CROCC2: variants seen among roughly 807,000 people sequenced by gnomAD.
CROCC2 encodes the protein ciliary rootlet coiled-coil, rootletin family member 2, also known as ciliary rootlet coiled-coil protein 2.
In CROCC2, 163 loss-of-function variants were observed where a neutral mutation model predicts 177.6. The observed-to-expected ratio is 0.92, with a 90% CI of 0.81 to 1.05. CROCC2 has a LOEUF of 1.05. Among genes scored for constraint, CROCC2 ranks in the 50% least tolerant of loss-of-function variants. CROCC2 has a pLI of 0.00. For missense variants in CROCC2, 1,929 were observed against 1,797.8 expected (o/e 1.07, Z -1.32); for synonymous variants, 904 against 787.3 (o/e 1.15, Z -2.48).
Position 240,917,664 on chromosome 2 carries a change from T to C in CROCC2, c.79-1062T>C, listed in dbSNP as rs1480842335. 6.6e-6 allele frequency among the ~76,000 whole-genome samples: 1 copy of C among 152,098 alleles called. No homozygotes were observed. The highest frequency in any genetic ancestry group is 1.5e-5 in the Non-Finnish European group (1 of 67,976). ...GACTTGGGTGGACTCTGGCGTGCCA[T>C]GCTGGAGAGCCCTAGGAGTGGACAT... On this transcript the variant is annotated intron_variant, in intron 1 of 31. Transcript: ENST00000690015. The surrounding 1 kb of genome is among the most constrained non-coding windows in gnomAD (Gnocchi z 4.9).
In CROCC2 at chr2:240,933,112, A is replaced by C; in HGVS notation, c.1252-19A>C. ...CCTGCCTAGGCCAGAGAGGCCCACA[A>C]CTTACCCCACCCGAGCAGGAGCTGT... is the stretch of plus-strand genomic sequence containing the variant. On this transcript the variant is annotated intron_variant, in intron 9 of 31. Transcript: ENST00000690015. 6.5e-7 allele frequency: 1 copy of C among 1,549,960 alleles called. No individual in the cohort carries two copies. The highest frequency in any genetic ancestry group is 8.7e-7 in the Non-Finnish European group (1 of 1,146,792).
In CROCC2 at chr2:240,917,869, C is replaced by T. The variant is rs900464067; in HGVS notation, c.79-857C>T. Among the ~76,000 whole-genome samples, 2 of 152,288 alleles carry T rather than the reference C, an allele frequency of 1.3e-5. No individual in the cohort carries two copies. The highest frequency in any genetic ancestry group is 2.1e-4 in the South Asian group (1 of 4,826). ...GCGGCCTGTGTGTCCTGCCCACAGT[C>T]GGTAATCTATTTCACCTGGCAGGAG... On this transcript the variant is annotated intron_variant, in intron 1 of 31. Coordinates refer to ENST00000690015, the MANE Select transcript of CROCC2 (RefSeq NM_001351305.2). This position sits in a 1 kb window ranked among gnomAD's most constrained non-coding sequence, Gnocchi z 4.9.
In CROCC2 at chr2:240,931,059, G is replaced by A. The variant is rs572599370; in HGVS notation, c.878G>A (p.Arg293Gln). The A allele has an allele frequency of 3.8e-5, 27 of 716,656 alleles. No individual in the cohort carries two copies. The highest frequency in any genetic ancestry group is 3.4e-4 in the Admixed American group (17 of 50,002). The allele number at this position is 716,656 out of a possible 1,614,324, so 44.4% of individuals were successfully genotyped here. A position where few individuals can be genotyped will look rare whatever the true frequency, so the allele number is the denominator to read the frequency against. ...STASTLGQQL[R>Q]DKAGEMLQLQ... ...GCCAGCACCCTGGGGCAGCAGCTTC[G>A]GGACAAGGCTGGGGAGATGCTGCAG... The change falls in exon 7 of 32, where the codon CGG becomes CAG. Residue 293 changes from arginine to glutamine, a missense_variant. Arg to Gln is a conservative substitution (Grantham distance 43). This residue lies in a region of CROCC2 where 1,397 missense variants were observed against 1,239.9 expected (regional missense o/e 1.13). Transcript: ENST00000690015.
At chr2:240,939,923 A>G (rs1447379744) in intron 14 of CROCC2, among the ~76,000 whole-genome samples, 1 of 152,200 alleles carries the variant, frequency 6.6e-6, no homozygotes, top group Non-Finnish European at 1.5e-5. Flanking sequence ...TATTATTTGA[A>G]TGGATTTAAA....
At chr2:240,957,929 G>A (rs1284828182) in intron 19 of CROCC2, 1 of 971,062 alleles carries the variant, frequency 1.0e-6, no homozygotes, top group Non-Finnish European at 1.2e-6. Flanking sequence ...CCCTCCTGGG[G>A]CCCTGGGAGC....
In CROCC2 at chr2:240,934,924, C is replaced by T; in HGVS notation, c.1800C>T (p.Cys600=). The change falls in exon 13 of 32, where the codon TGC becomes TGT. Residue 600 remains cysteine (C), a synonymous_variant. Coordinates refer to ENST00000690015, the MANE Select transcript of CROCC2 (RefSeq NM_001351305.2). ...GLRSALARAE[C]SNADLELLVR... ...CCCCCTCCCTGCCCCAGGCCGAGTG[C>T]AGCAATGCGGACCTGGAGCTTCTTG... is the stretch of plus-strand genomic sequence containing the variant. The T allele has an allele frequency of 6.6e-7, 1 of 1,518,434 alleles. No homozygotes were observed. The highest frequency in any genetic ancestry group is 8.8e-7 in the Non-Finnish European group (1 of 1,132,548). The allele number at this position is 1,518,434 out of a possible 1,614,324, so 94.1% of individuals were successfully genotyped here.
At chr2:240,919,890 GCCA>G in intron 2 of CROCC2, 90 bp from the exon 3 acceptor site, 3 of 591,390 alleles carry the variant, frequency 5.1e-6, no homozygotes, top group East Asian at 3.1e-5. Flanking sequence ...GAGCCTGGTG[GCCA>G]GCCCAGGGTC....
chr2:240,927,246 T>G (rs1395134195), intron 5 of CROCC2, among the ~76,000 whole-genome samples: 5 of 152,208 alleles, frequency 3.3e-5, no homozygotes, highest in African/African-American at 7.2e-5. Flanking sequence ...GACTTGTTGT[T>G]GTGTCGTGTC....
intron 7 of CROCC2, 135 bp downstream of exon 7, chr2:240,931,263 G>T (rs2059429527): frequency 3.3e-6 from 2 of 597,438 alleles, no homozygotes; most frequent in South Asian, 4.0e-5. Context: ...GTCACTGGTG[G>T]TGCACACTCT....
chr2:240,954,941 C>T (rs1186775123), intron 18 of CROCC2: 1 of 152,222 alleles, frequency 6.6e-6, no homozygotes, highest in Non-Finnish European at 1.5e-5. Flanking sequence ...AGACCTGATA[C>T]ATCTTCTGTT....
chr2:240,956,088 G>C, intron 19 of CROCC2, 116 bp downstream of exon 19: 1 of 751,932 alleles, frequency 1.3e-6, no homozygotes, highest in East Asian at 2.7e-5. Flanking sequence ...CTCCCTTCCT[G>C]AGCCTCAGTT....
chr2:240,962,014 ACACACACACACACACGCACGCACACACG>A, intron 20 of CROCC2, among the ~76,000 whole-genome samples: 1 of 21,374 alleles, frequency 4.7e-5, no homozygotes, highest in Non-Finnish European at 9.6e-5. Context: ...CATCACCCAC[ACACACACACACACACGCACGCACACACG>A]CGCACACACA....
At chr2:240,952,754 G>A (rs1463064244) in intron 18 of CROCC2, among the ~76,000 whole-genome samples, 2 of 152,210 alleles carry the variant, frequency 1.3e-5, no homozygotes, top group South Asian at 4.1e-4. Context: ...AGGTGATAGG[G>A]AGCCAGTGGA....
In CROCC2 at chr2:240,993,216, C is replaced by T; in HGVS notation, c.*135C>T. 1 of 629,922 alleles carries T rather than the reference C, an allele frequency of 1.6e-6. No homozygotes were observed. The highest frequency in any genetic ancestry group is 3.0e-6 in the Non-Finnish European group (1 of 337,022). The allele number at this position is 629,922 out of a possible 1,614,324, so 39.0% of individuals were successfully genotyped here. On this transcript the variant is annotated 3_prime_UTR_variant, in exon 32 of 32. Transcript: ENST00000690015. The stretch of plus-strand genomic sequence containing the variant: ...TGAGACAGCTCGCTCTCGGCAGTTT[C>T]AGGACCCTCCTTGCCCTGGCTGCTC...
chr2:240,959,006 A>C, intron 19 of CROCC2: 1 of 333,042 alleles, frequency 3.0e-6, no homozygotes, highest in Non-Finnish European at 5.6e-6. Context: ...TGGTCCCTGT[A>C]GGGATGGGCC....
At position 240,934,480 on chromosome 2, in the gene CROCC2, A is replaced by T. The variant is rs763333133; in HGVS notation, c.1791+5A>T. 2.0e-4 allele frequency: 311 copies of T among 1,546,332 alleles called. No individual in the cohort carries two copies. Among genetic ancestry groups the T allele is most frequent in the Non-Finnish European group, 2.6e-4 (299 of 1,146,032 alleles). On this transcript the variant is annotated splice_donor_5th_base_variant and intron_variant, in intron 12 of 31. Coordinates refer to ENST00000690015, the MANE Select transcript of CROCC2 (RefSeq NM_001351305.2). ...CTGCGCAGCGCCCTGGCGCGGGTAC[A>T]CTCTGCTCCCCACAACCCCGCCCCC...
chr2:240,910,464 G>T (rs1574740009), intron 1 of CROCC2, among the ~76,000 whole-genome samples: 1 of 152,230 alleles, frequency 6.6e-6, no homozygotes, highest in Non-Finnish European at 1.5e-5. Flanking sequence ...ATTGGCAAAA[G>T]TTGTTCACAA....
At chr2:240,963,303 T>C in intron 20 of CROCC2, 1 of 505,272 alleles carries the variant, frequency 2.0e-6, no homozygotes, top group Non-Finnish European at 3.5e-6. Context: ...GGCCGCAGCG[T>C]GGGGCCGGGC....
At position 240,966,515 on chromosome 2, in the gene CROCC2, T is replaced by C. The variant is rs775424817; in HGVS notation, c.4146+106T>C. ...GCGCGTCCCTGGGTCTGAGGGTCAGTGTCCAGGCCGTCCTGTTTGTTGTGA... is the reference window on the plus strand; with the variant it reads ...GCGCGTCCCTGGGTCTGAGGGTCAGCGTCCAGGCCGTCCTGTTTGTTGTGA... On this transcript the variant is annotated intron_variant, in intron 25 of 31. Coordinates refer to ENST00000690015, the MANE Select transcript of CROCC2 (RefSeq NM_001351305.2). 3.5e-4 allele frequency: 138 copies of C among 397,752 alleles called. 1 individual carries two copies. Among genetic ancestry groups the C allele is most frequent in the Non-Finnish European group, 4.3e-4 (97 of 225,892 alleles). 24.6% of individuals were successfully genotyped at this position (397,752 alleles called of 1,614,324 possible). A position where few individuals can be genotyped will look rare whatever the true frequency, so the allele number is the denominator to read the frequency against.
Sources: allele counts gnomAD v4.1 joint callset (sites outside exome capture counted in the v4.1 genomes callset), GRCh38; gene constraint gnomAD v4.1.1; regional missense constraint gnomAD v4.1.1; non-coding constraint Gnocchi (gnomAD v3.1); transcripts MANE v1.5; gene names NCBI Gene and HGNC (gene_info 2026-07-23, HGNC 2026-07-21).